Variants in SNTG1 observed in about 807,000 individuals in gnomAD.
SNTG1 encodes syntrophin gamma 1, also known as gamma-1-syntrophin.
Under a neutral mutation model 74.7 loss-of-function variants are expected in SNTG1, and 39 were observed. The observed-to-expected ratio is 0.52, with a 90% CI of 0.40 to 0.68. SNTG1 has a LOEUF of 0.68. Ranked by LOEUF, SNTG1 falls within the 30% of genes least tolerant of loss-of-function variation. The pLI is 0.00. For synonymous variants in SNTG1, 254 were observed against 217.1 expected (o/e 1.17, Z -1.49); for missense variants, 685 against 609.5 (o/e 1.12, Z -1.30).
intron 15 of SNTG1, among the ~76,000 whole-genome samples, chr8:50,685,481 T>TA (rs1376320774): frequency 6.6e-6 from 1 of 152,228 alleles, no homozygotes; most frequent in Non-Finnish European, 1.5e-5. Flanking sequence ...TTATATTTTT[T>TA]AAAAAACATA....
intron 1 of SNTG1, among the ~76,000 whole-genome samples, chr8:49,948,616 G>A (rs1809419631): frequency 6.6e-6 from 1 of 152,064 alleles, no homozygotes; most frequent in South Asian, 2.1e-4. Flanking sequence ...TTTGAATGTT[G>A]TACTCGAATC....
At chr8:50,494,431 G>A (rs1348334149) in intron 8 of SNTG1, among the ~76,000 whole-genome samples, 1 of 151,604 alleles carries the variant, frequency 6.6e-6, no homozygotes, top group Admixed American at 6.6e-5. Context: ...TTAATAAAAT[G>A]GTTTGAAGAT....
intron 1 of SNTG1, among the ~76,000 whole-genome samples, chr8:50,018,501 T>A (rs556591431): frequency 2.4e-4 from 36 of 152,110 alleles, no homozygotes; most frequent in African/African-American, 8.7e-4. Flanking sequence ...AAATGGACTG[T>A]AGACATGAAT....
chr8:50,328,617 T>C (rs2090845149), intron 2 of SNTG1, among the ~76,000 whole-genome samples: 1 of 152,130 alleles, frequency 6.6e-6, no homozygotes, highest in African/African-American at 2.4e-5. Flanking sequence ...GAGAACAGCA[T>C]AGGAGAAACC....
intron 8 of SNTG1, among the ~76,000 whole-genome samples, chr8:50,452,114 CGAA>C (rs1248064293): frequency 6.6e-6 from 1 of 152,068 alleles, no homozygotes; most frequent in African/African-American, 2.4e-5. Context: ...AGAACCGAGA[CGAA>C]GGAGGGTTTT....
At chr8:50,555,771 T>C (rs74811952) in intron 12 of SNTG1, among the ~76,000 whole-genome samples, 3,020 of 152,182 alleles carry the variant, frequency 0.02, 44 homozygotes, top group Non-Finnish European at 0.029. Context: ...AAAATGCATA[T>C]AAAATAATAA....
At chr8:50,008,603 G>A (rs1815475109) in intron 1 of SNTG1, among the ~76,000 whole-genome samples, 2 of 152,170 alleles carry the variant, frequency 1.3e-5, no homozygotes, top group African/African-American at 4.8e-5. Flanking sequence ...ATGATGGATA[G>A]ACAAATGGAT....
chr8:50,348,578 A>G (rs2091554089), intron 2 of SNTG1, among the ~76,000 whole-genome samples: 1 of 152,234 alleles, frequency 6.6e-6, no homozygotes, highest in African/African-American at 2.4e-5. Flanking sequence ...CAATGCACTT[A>G]ATATTTAATG....
intron 1 of SNTG1, among the ~76,000 whole-genome samples, chr8:50,106,527 A>G (rs1360101662): frequency 1.3e-5 from 2 of 152,110 alleles, no homozygotes; most frequent in African/African-American, 4.8e-5. Flanking sequence ...TTGCTCATTC[A>G]ATGATGTTGA....
chr8:50,089,959 A>T (rs910752185), intron 1 of SNTG1, among the ~76,000 whole-genome samples: 12 of 152,024 alleles, frequency 7.9e-5, no homozygotes, highest in African/African-American at 1.9e-4. Flanking sequence ...CATGCACACG[A>T]ATGTTTATTG....
chr8:50,451,301 G>C (rs1049880593), intron 8 of SNTG1, among the ~76,000 whole-genome samples: 8 of 152,216 alleles, frequency 5.3e-5, no homozygotes, highest in Non-Finnish European at 1.2e-4. Context: ...GATGTGCATA[G>C]TTTATATGCA....
At chr8:50,086,975 G>C (rs1161494192) in intron 1 of SNTG1, among the ~76,000 whole-genome samples, 1 of 152,086 alleles carries the variant, frequency 6.6e-6, no homozygotes, top group Non-Finnish European at 1.5e-5. Flanking sequence ...ATGTATTGTG[G>C]TATTCACACT....
chr8:50,199,976 G>A (rs889891790), intron 2 of SNTG1, among the ~76,000 whole-genome samples: 2 of 150,546 alleles, frequency 1.3e-5, no homozygotes, highest in Non-Finnish European at 3.0e-5. Flanking sequence ...AGTGCAATTA[G>A]CTATTTGTAT....
intron 12 of SNTG1, among the ~76,000 whole-genome samples, chr8:50,557,587 G>C (rs2094463886): frequency 6.6e-6 from 1 of 152,074 alleles, no homozygotes; most frequent in Non-Finnish European, 1.5e-5. Context: ...ACATCACACT[G>C]ACCTCCGCTT....
chr8:50,175,856 T>C (rs2082981215), intron 2 of SNTG1, among the ~76,000 whole-genome samples: 1 of 152,218 alleles, frequency 6.6e-6, no homozygotes, highest in African/African-American at 2.4e-5. Flanking sequence ...TTCTTAAATA[T>C]ATCTCTTTGC....
intron 13 of SNTG1, among the ~76,000 whole-genome samples, chr8:50,628,858 AAC>A (rs1339280059): frequency 6.6e-6 from 1 of 152,192 alleles, no homozygotes; most frequent in Admixed American, 6.5e-5. Context: ...GTGCTTGTGT[AAC>A]ACAGTTACCT....
intron 18 of SNTG1, among the ~76,000 whole-genome samples, chr8:50,779,422 C>T (rs1034418759): frequency 6.6e-6 from 1 of 151,968 alleles, no homozygotes; most frequent in Non-Finnish European, 1.5e-5. Context: ...CCTTCAAGTC[C>T]CTTATAAGGT....
At chr8:49,960,801 T>G (rs1167833618) in intron 1 of SNTG1, among the ~76,000 whole-genome samples, 1 of 152,088 alleles carries the variant, frequency 6.6e-6, no homozygotes, top group Non-Finnish European at 1.5e-5. Context: ...TTACCTCAGA[T>G]AGAGACAATA....
chr8:50,781,592 G>A (rs539697282), intron 18 of SNTG1, among the ~76,000 whole-genome samples: 1 of 152,038 alleles, frequency 6.6e-6, no homozygotes, highest in African/African-American at 2.4e-5. Flanking sequence ...TTGAATCTAT[G>A]TGTGTCTCTG....
Sources: gnomAD v4.1 joint callset for allele counts (sites outside exome capture counted in the v4.1 genomes callset) on GRCh38, gnomAD v4.1.1 for gene constraint, MANE v1.5 for transcripts, NCBI Gene and HGNC (gene_info 2026-07-23, HGNC 2026-07-21) for gene names.